DAB1: variants seen among roughly 807,000 people sequenced by gnomAD.
DAB1 encodes the protein disabled homolog 1.
A neutral mutation model predicts 64.6 loss-of-function variants in DAB1; 15 were observed. The ratio of observed to expected loss-of-function variants is 0.23; its 90% CI spans 0.16 to 0.36. The LOEUF (loss-of-function observed/expected upper bound fraction) is 0.36, where lower values mean the gene tolerates loss of function less well. Ranked by LOEUF, DAB1 falls within the 10% of genes least tolerant of loss-of-function variation. The probability of loss-of-function intolerance (pLI) is 1.00; values close to 1 mark genes in which losing one functional copy is unlikely to be tolerated. For synonymous variants in DAB1, 235 were observed against 251.9 expected (o/e 0.93, Z 0.64); for missense variants, 596 against 706.7 (o/e 0.84, Z 1.78).
chr1:57,444,066 A>T (rs1686049715), intron 7 of DAB1, among the ~76,000 whole-genome samples: 1 of 152,098 alleles, frequency 6.6e-6, no homozygotes, highest in South Asian at 2.1e-4. Context: ...CCCCAGCTAC[A>T]GTGGCTCTCA....
intron 2 of DAB1, among the ~76,000 whole-genome samples, chr1:58,520,901 A>G (rs984976130): frequency 6.6e-6 from 1 of 152,050 alleles, no homozygotes; most frequent in Admixed American, 6.6e-5. Context: ...AAAAAAAAGG[A>G]AAAAAAATCA....
chr1:58,319,247 C>T (rs1662628282), intron 4 of DAB1, among the ~76,000 whole-genome samples: 1 of 152,096 alleles, frequency 6.6e-6, no homozygotes, highest in African/African-American at 2.4e-5. Context: ...CTCCACATTG[C>T]CTACAGAATA....
intron 4 of DAB1, among the ~76,000 whole-genome samples, chr1:58,321,254 C>G (rs1282364456): frequency 6.6e-6 from 1 of 152,256 alleles, no homozygotes; most frequent in African/African-American, 2.4e-5. Context: ...CTTCCTTCCT[C>G]TTTATGCTGC....
chr1:58,520,073 C>G (rs1646238456), intron 2 of DAB1, among the ~76,000 whole-genome samples: 1 of 151,888 alleles, frequency 6.6e-6, no homozygotes, highest in South Asian at 2.1e-4. Context: ...AAGATGGGAA[C>G]AACAGACACT....
intron 5 of DAB1, among the ~76,000 whole-genome samples, chr1:57,902,138 C>T (rs1212039212): frequency 7.3e-5 from 10 of 137,672 alleles, no homozygotes; most frequent in African/African-American, 2.4e-4. Context: ...GCCTGATCGA[C>T]GGAGTGAGAT....
chr1:57,742,403 G>A (rs2101791959), intron 6 of DAB1, among the ~76,000 whole-genome samples: 1 of 152,274 alleles, frequency 6.6e-6, no homozygotes, highest in East Asian at 1.9e-4. Flanking sequence ...GGGGGATGGA[G>A]AAAAACCAGC....
At chr1:58,456,745 A>G (rs706461) in intron 3 of DAB1, among the ~76,000 whole-genome samples, 132,472 of 152,190 alleles carry the variant, frequency 0.87, 58,383 homozygotes, top group African/African-American at 0.94. Flanking sequence ...CCTCCAATTA[A>G]GCCTTAAGTA....
chr1:57,962,956 C>A lies in DAB1; in HGVS notation n.388-78794G>T, dbSNP rs1557581687. On this transcript the variant is annotated intron_variant and non_coding_transcript_variant, in intron 5 of 20. Coordinates refer to the DAB1 transcript ENST00000485760. ...TACTTATTTTTCCCCCAATTTTATG[C>A]TATATTTTCTTACATGCCTTTATAA... 3.3e-5 allele frequency among the ~76,000 whole-genome samples: 5 copies of A among 152,098 alleles called. No individual in the cohort carries two copies. The South Asian group carries it at 1.0e-3, about 32-fold the overall frequency.
rs138185619 is a variant in DAB1, at chr1:57,965,411, A to G, written n.388-81249T>C. Among the ~76,000 whole-genome samples, 81 of 152,290 alleles carry G rather than the reference A, an allele frequency of 5.3e-4. 1 individual carries two copies. The East Asian group carries it at 0.015, about 28-fold the overall frequency. ...ATAGGGGTATCACTTTGGGTGATCT[A>G]ATTCTATTCTCTAACCTCTGGCCTC... is the stretch of plus-strand genomic sequence containing the variant. On this transcript the variant is annotated intron_variant and non_coding_transcript_variant, in intron 5 of 20. Coordinates refer to the DAB1 transcript ENST00000485760.
intron 4 of DAB1, among the ~76,000 whole-genome samples, chr1:57,107,636 T>C (rs1260787348): frequency 6.6e-6 from 1 of 152,082 alleles, no homozygotes; most frequent in Non-Finnish European, 1.5e-5. Context: ...GCCCATGGAA[T>C]ATAAATTTTA....
intron 1 of DAB1, among the ~76,000 whole-genome samples, chr1:57,831,510 C>A (rs1198673914): frequency 1.4e-5 from 2 of 147,840 alleles, no homozygotes; most frequent in Non-Finnish European, 3.0e-5. Context: ...GTTATATTAA[C>A]TAAATAATAC....
chr1:57,572,266 C>T (rs1645201676), intron 7 of DAB1, among the ~76,000 whole-genome samples: 1 of 152,148 alleles, frequency 6.6e-6, no homozygotes, highest in Non-Finnish European at 1.5e-5. Flanking sequence ...ATCCCCGCCC[C>T]ACTACTGACT....
At chr1:58,445,564 T>C (rs1569802283) in intron 3 of DAB1, among the ~76,000 whole-genome samples, 1 of 152,192 alleles carries the variant, frequency 6.6e-6, no homozygotes, top group Admixed American at 6.5e-5. Context: ...ACACCTCCCA[T>C]GTGAACTTAC....
At position 57,636,814 on chromosome 1, in the gene DAB1, G is replaced by T. The variant is rs116254595; in HGVS notation, n.625+12778C>A. 7.6e-3 allele frequency among the ~76,000 whole-genome samples: 1,156 copies of T among 152,236 alleles called. 17 individuals carry two copies. The highest frequency in any genetic ancestry group is 0.027 in the African/African-American group (1,111 of 41,540). Reference sequence around the variant, plus strand: ...TCTGAATTTTCTTGAAGTTTGAGTTGCCAGCAGACATCCAATAGAGATGTT... The same window carrying T: ...TCTGAATTTTCTTGAAGTTTGAGTTTCCAGCAGACATCCAATAGAGATGTT... On this transcript the variant is annotated intron_variant and non_coding_transcript_variant, in intron 7 of 20. Coordinates refer to the DAB1 transcript ENST00000485760.
chr1:57,315,537 C>T lies in DAB1; in HGVS notation c.-136-24371G>A, dbSNP rs1411798742. ...TTTTTTTCTGCGACGGAGTCTCGCTCTGTCACCCAGGCTGGAGTGCAGTGG... is the reference window on the plus strand; with the variant it reads ...TTTTTTTCTGCGACGGAGTCTCGCTTTGTCACCCAGGCTGGAGTGCAGTGG... On this transcript the variant is annotated intron_variant, in intron 1 of 14. Transcript: ENST00000371236. Among the ~76,000 whole-genome samples the T allele has an allele frequency of 2.6e-5, 4 of 152,282 alleles. No homozygotes were observed. The East Asian group carries it at 7.7e-4, about 29-fold the overall frequency.
chr1:57,122,658 A>G (rs990312600), intron 4 of DAB1, among the ~76,000 whole-genome samples: 3 of 152,158 alleles, frequency 2.0e-5, no homozygotes, highest in African/African-American at 7.2e-5. Context: ...GGCTACAGAA[A>G]AATCTCATTA....
chr1:58,416,100 C>T (rs981164127), intron 3 of DAB1, among the ~76,000 whole-genome samples: 2 of 152,130 alleles, frequency 1.3e-5, no homozygotes, highest in Non-Finnish European at 2.9e-5. Flanking sequence ...CAATCCCATC[C>T]TCTTGTTTTA....
At chr1:58,341,435 T>C (rs1180304892) in intron 4 of DAB1, among the ~76,000 whole-genome samples, 2 of 152,144 alleles carry the variant, frequency 1.3e-5, no homozygotes, top group Non-Finnish European at 2.9e-5. Flanking sequence ...CTACCACTTA[T>C]GATAGTGGGA....
chr1:58,261,632 C>T (rs754761568), intron 4 of DAB1, among the ~76,000 whole-genome samples: 1 of 151,950 alleles, frequency 6.6e-6, no homozygotes, highest in Non-Finnish European at 1.5e-5. Context: ...TCCCTTCTCA[C>T]AGAAAGCCAG....
Sources: allele counts gnomAD v4.1 joint callset (sites outside exome capture counted in the v4.1 genomes callset), GRCh38; gene constraint gnomAD v4.1.1; transcripts MANE v1.5; gene names NCBI Gene and HGNC (gene_info 2026-07-23, HGNC 2026-07-21).